Variants in LPP observed in about 807,000 individuals in gnomAD.
LPP encodes lipoma-preferred partner.
LPP carries 38 observed loss-of-function variants against 60.4 expected under a neutral mutation model. The observed-to-expected ratio is 0.63, with a 90% CI of 0.49 to 0.83. The LOEUF (loss-of-function observed/expected upper bound fraction) is 0.83, where lower values mean the gene tolerates loss of function less well. Among genes scored for constraint, LPP ranks in the 40% least tolerant of loss-of-function variants. LPP has a pLI of 0.00. For missense variants in LPP, 902 were observed against 783.6 expected (o/e 1.15, Z -1.80); for synonymous variants, 328 against 290.8 (o/e 1.13, Z -1.30).
chr3:188,659,615 C>T (rs1854108269), intron 7 of LPP, among the ~76,000 whole-genome samples: 2 of 152,162 alleles, frequency 1.3e-5, no homozygotes, highest in Non-Finnish European at 2.9e-5. Flanking sequence ...GGATCCACTA[C>T]AGCACAGAAG....
At chr3:188,455,854 T>G (rs1386411372) in intron 4 of LPP, among the ~76,000 whole-genome samples, 1 of 152,200 alleles carries the variant, frequency 6.6e-6, no homozygotes, top group Admixed American at 6.5e-5. Flanking sequence ...TCTATTTTTG[T>G]TCATGGCTCA....
intron 6 of LPP, among the ~76,000 whole-genome samples, chr3:188,599,824 A>G (rs1473374101): frequency 2.7e-5 from 4 of 149,514 alleles, no homozygotes; most frequent in Non-Finnish European, 5.9e-5. Context: ...AGGACTAAAA[A>G]TTAGTATTAG....
intron 5 of LPP, among the ~76,000 whole-genome samples, chr3:188,490,677 T>C (rs1056337847): frequency 6.6e-6 from 1 of 151,936 alleles, no homozygotes; most frequent in African/African-American, 2.4e-5. Flanking sequence ...TTTTCCTACT[T>C]ACTAATTTTA....
At chr3:188,385,944 A>T (rs1778151220) in intron 3 of LPP, among the ~76,000 whole-genome samples, 1 of 152,128 alleles carries the variant, frequency 6.6e-6, no homozygotes, top group Non-Finnish European at 1.5e-5. Context: ...ATCTCTACTG[A>T]GATGATTCTT....
chr3:188,453,202 A>G (rs1475216250), intron 4 of LPP, among the ~76,000 whole-genome samples: 1 of 151,858 alleles, frequency 6.6e-6, no homozygotes, highest in Non-Finnish European at 1.5e-5. Context: ...ATCTTTGCCA[A>G]CCCTGGCATC....
At chr3:188,461,104 G>A (rs1258465096) in intron 4 of LPP, among the ~76,000 whole-genome samples, 2 of 152,144 alleles carry the variant, frequency 1.3e-5, no homozygotes, top group Non-Finnish European at 2.9e-5. Flanking sequence ...TTTTCATTCA[G>A]TACAGAAAAA....
chr3:188,592,546 G>GTTTTTTTTTTTT (rs1553936323), intron 6 of LPP, among the ~76,000 whole-genome samples: 4 of 98,376 alleles, frequency 4.1e-5, no homozygotes, highest in South Asian at 4.6e-4. Context: ...ACTGTTTTTA[G>GTTTTTTTTTTTT]TTTTGTTTTT....
chr3:188,261,387 A>G (rs1239828021), intron 2 of LPP, among the ~76,000 whole-genome samples: 1 of 152,102 alleles, frequency 6.6e-6, no homozygotes, highest in Non-Finnish European at 1.5e-5. Flanking sequence ...CACACATGCA[A>G]CTTTTATGTG....
At chr3:188,292,882 G>A (rs1746494798) in intron 2 of LPP, among the ~76,000 whole-genome samples, 1 of 152,070 alleles carries the variant, frequency 6.6e-6, no homozygotes, top group Admixed American at 6.6e-5. Context: ...ACGTCATCTG[G>A]TAATTTTATT....
intron 2 of LPP, among the ~76,000 whole-genome samples, chr3:188,288,590 A>ACACT (rs1328293996): frequency 6.6e-6 from 1 of 151,274 alleles, no homozygotes; most frequent in Non-Finnish European, 1.5e-5. Flanking sequence ...GCACACACAC[A>ACACT]CACATACACA....
At chr3:188,445,444 A>G (rs1795001792) in intron 4 of LPP, among the ~76,000 whole-genome samples, 1 of 152,118 alleles carries the variant, frequency 6.6e-6, no homozygotes, top group African/African-American at 2.4e-5. Flanking sequence ...AAGAATGAGA[A>G]CACATGGACA....
intron 2 of LPP, among the ~76,000 whole-genome samples, chr3:188,243,620 G>A (rs1037519194): frequency 6.6e-6 from 1 of 152,150 alleles, no homozygotes; most frequent in African/African-American, 2.4e-5. Flanking sequence ...GATTCTTGCT[G>A]TCCTGGGGTC....
chr3:188,294,005 G>A (rs1746949937), intron 2 of LPP, among the ~76,000 whole-genome samples: 1 of 136,176 alleles, frequency 7.3e-6, no homozygotes, highest in African/African-American at 2.8e-5. Context: ...GGTGGAGGTT[G>A]CAGTGAGCCG....
chr3:188,777,337 G>A (rs775722489), intron 9 of LPP, among the ~76,000 whole-genome samples: 1 of 150,062 alleles, frequency 6.7e-6, no homozygotes, highest in Admixed American at 6.7e-5. Flanking sequence ...TGCCTAAATC[G>A]CCTTCAGTCC....
intron 1 of LPP, among the ~76,000 whole-genome samples, chr3:188,156,518 G>C (rs1346819423): frequency 6.6e-6 from 1 of 152,122 alleles, no homozygotes; most frequent in Non-Finnish European, 1.5e-5. Context: ...CAATTCCAAT[G>C]AGAGAGGTAA....
intron 7 of LPP, among the ~76,000 whole-genome samples, chr3:188,674,620 T>C (rs555611943): frequency 2.6e-5 from 4 of 152,236 alleles, no homozygotes; most frequent in Non-Finnish European, 4.4e-5. Context: ...GTACCTACTT[T>C]TCAACAAACA....
In LPP at chr3:188,886,318, T is replaced by TAAA; in HGVS notation, c.*11849_*11851dup. 6.5e-6 allele frequency: 1 copy of TAAA among 153,714 alleles called. No individual in the cohort carries two copies. Among genetic ancestry groups the TAAA allele is most frequent in the Non-Finnish European group, 1.4e-5 (1 of 72,330 alleles). The allele number at this position is 153,714 out of a possible 1,614,324, so 9.5% of individuals were successfully genotyped here. Reference sequence around the variant, plus strand: ...AAGTATAATAATAATGAAATAAAATTAAAAAAAAAAAAGAAAAGTGCCTCA... The same window carrying TAAA: ...AAGTATAATAATAATGAAATAAAATTAAAAAAAAAAAAAAAGAAAAGTGCCTCA... On this transcript the variant is annotated 3_prime_UTR_variant, in exon 12 of 12. Coordinates refer to ENST00000617246, the MANE Select transcript of LPP (RefSeq NM_001375462.1).
chr3:188,170,059 G>T (rs951079246), intron 1 of LPP, among the ~76,000 whole-genome samples: 1 of 152,202 alleles, frequency 6.6e-6, no homozygotes, highest in African/African-American at 2.4e-5. Context: ...TTCTGACATG[G>T]CTGATTTGGT....
intron 3 of LPP, among the ~76,000 whole-genome samples, chr3:188,367,457 A>G (rs1359907030): frequency 2.0e-5 from 3 of 152,218 alleles, no homozygotes; most frequent in African/African-American, 4.8e-5. Flanking sequence ...AGAGTTAAAC[A>G]TACTAGTTAA....
Sources: gnomAD v4.1 joint callset for allele counts (sites outside exome capture counted in the v4.1 genomes callset) on GRCh38, gnomAD v4.1.1 for gene constraint, MANE v1.5 for transcripts, NCBI Gene and HGNC (gene_info 2026-07-23, HGNC 2026-07-21) for gene names.